PCDHA5: variants seen among roughly 807,000 people sequenced by gnomAD.
PCDHA5 encodes protocadherin alpha-5.
In PCDHA5, 43 loss-of-function variants were observed where a neutral mutation model predicts 61.6. That is an observed-to-expected ratio of 0.70 (90% CI 0.55 to 0.90). PCDHA5 has a LOEUF of 0.90. Ranked by LOEUF, PCDHA5 falls within the 40% of genes least tolerant of loss-of-function variation. The pLI is 0.00. For missense variants in PCDHA5, 1,298 were observed against 1,222.7 expected, an observed-to-expected ratio of 1.06 and a Z score of -0.92; for synonymous variants, 627 against 543.9, an observed-to-expected ratio of 1.15 and a Z score of -2.13.
intron 1 of PCDHA5, among the ~76,000 whole-genome samples, chr5:140,971,869 A>G (rs1277835883): frequency 1.3e-5 from 2 of 152,182 alleles, no homozygotes; most frequent in Non-Finnish European, 2.9e-5. Flanking sequence ...AACATCTAGC[A>G]TATGAGGAAA....
At chr5:140,927,616 G>C in intron 1 of PCDHA5, 1 of 1,614,164 alleles carries the variant, frequency 6.2e-7, no homozygotes, top group Non-Finnish European at 8.5e-7. Flanking sequence ...CCGCACCAAG[G>C]TTCCAGAGAC....
chr5:140,882,070 CA>C, intron 1 of PCDHA5: 1 of 854,288 alleles, frequency 1.2e-6, no homozygotes, highest in Non-Finnish European at 1.8e-6. Flanking sequence ...CGTTCATGCG[CA>C]TGGTGTCGCT....
chr5:140,911,404 A>G (rs2075457175), intron 1 of PCDHA5, among the ~76,000 whole-genome samples: 1 of 152,174 alleles, frequency 6.6e-6, no homozygotes, highest in African/African-American at 2.4e-5. Flanking sequence ...CAGGTCAGCC[A>G]CTGGTATGAT....
At chr5:140,966,505 A>T in intron 1 of PCDHA5, 1 of 427,984 alleles carries the variant, frequency 2.3e-6, no homozygotes, top group Non-Finnish European at 4.1e-6. Context: ...CTGTAGCGGC[A>T]GCAGCAGCAG....
rs545282445 is a variant in PCDHA5 at position 140,862,074 on chromosome 5, A to G, written c.2352+37947A>G. On this transcript the variant is annotated intron_variant, in intron 1 of 3. Transcript: ENST00000529859. The stretch of plus-strand genomic sequence containing the variant: ...TTTCTTTGCAACTGATGTCTCCCCT[A>G]ACATAGAAGCCCTTTTTCGCATAGA... 8.3e-5 allele frequency: 13 copies of G among 157,080 alleles called. No homozygotes were observed. The South Asian group carries it at 2.1e-3, about 26-fold the overall frequency. 9.7% of individuals were successfully genotyped at this position (157,080 alleles called of 1,614,324 possible).
intron 1 of PCDHA5, chr5:140,875,283 CAG>C: frequency 7.3e-7 from 1 of 1,362,464 alleles, no homozygotes; most frequent in Non-Finnish European, 9.6e-7. Flanking sequence ...GAAGGTGAAA[CAG>C]GAAAATTTTT....
At chr5:140,980,113 C>T (rs2096877031) in intron 2 of PCDHA5, among the ~76,000 whole-genome samples, 1 of 152,096 alleles carries the variant, frequency 6.6e-6, no homozygotes, top group African/African-American at 2.4e-5. Context: ...ACATTGGAAC[C>T]TGGGTCATAA....
intron 3 of PCDHA5, among the ~76,000 whole-genome samples, chr5:140,987,740 A>G (rs1454887233): frequency 6.6e-6 from 1 of 152,078 alleles, no homozygotes; most frequent in Admixed American, 6.5e-5. Flanking sequence ...CAAAATTTAG[A>G]CCCAGGTTGT....
intron 1 of PCDHA5, chr5:140,825,625 T>C (rs1768653929): frequency 6.6e-6 from 1 of 151,914 alleles, no homozygotes; most frequent in Admixed American, 6.6e-5. Context: ...TTTCACCATG[T>C]TGGTCATGGT....
chr5:140,927,848 G>T (rs1295513512), intron 1 of PCDHA5: 2 of 1,614,180 alleles, frequency 1.2e-6, no homozygotes, highest in Middle Eastern at 3.3e-4. Context: ...GGTGTCTTTG[G>T]TTTAGCTAGC....
intron 1 of PCDHA5, among the ~76,000 whole-genome samples, chr5:140,932,852 T>C (rs2088679496): frequency 1.3e-5 from 2 of 151,996 alleles, no homozygotes; most frequent in Non-Finnish European, 2.9e-5. Flanking sequence ...ATAATGTTAA[T>C]GACTTATTGT....
chr5:140,902,855 G>A lies in PCDHA5; in HGVS notation c.2353-76094G>A, dbSNP rs137957286. On this transcript the variant is annotated intron_variant, in intron 1 of 3. Coordinates refer to ENST00000529859, the MANE Select transcript of PCDHA5 (RefSeq NM_018908.3). ...GAGTTACTTCACTTAGAAAAATGGC[G>A]TCCAGGTCCACCCAAGCTGCTGCAA... is the stretch of plus-strand genomic sequence containing the variant. Among the ~76,000 whole-genome samples, 742 of 152,204 alleles carry A rather than the reference G, an allele frequency of 4.9e-3. 1 individual carries two copies. The highest frequency in any genetic ancestry group is 7.5e-3 in the Admixed American group (115 of 15,274).
rs1350835757 is a variant in PCDHA5, at chr5:141,010,856, A to G, written c.*919A>G. Reference sequence around the variant, plus strand: ...CATAGATTTATTTAAAAAAAGAGAAAGTCTATAGCTATAAATCTTTAAAGA... The same window carrying G: ...CATAGATTTATTTAAAAAAAGAGAAGGTCTATAGCTATAAATCTTTAAAGA... On this transcript the variant is annotated 3_prime_UTR_variant, in exon 4 of 4. Coordinates refer to ENST00000529859, the MANE Select transcript of PCDHA5 (RefSeq NM_018908.3). The G allele has an allele frequency of 1.3e-5, 2 of 153,800 alleles. No homozygotes were observed. Among genetic ancestry groups the G allele is most frequent in the African/African-American group, 2.4e-5 (1 of 41,464 alleles). The allele number at this position is 153,800 out of a possible 1,614,324, so 9.5% of individuals were successfully genotyped here. A position where few individuals can be genotyped will look rare whatever the true frequency, so the allele number is the denominator to read the frequency against.
In PCDHA5 at chr5:140,829,836, C is replaced by T. The variant is rs2150175782; in HGVS notation, c.2352+5709C>T. ...GGTGGTGCAGTGAGCGAGCTGGTGC[C>T]GCGGTCACTGGGTGCAGGCCAAGTG... On this transcript the variant is annotated intron_variant, in intron 1 of 3. Coordinates refer to ENST00000529859, the MANE Select transcript of PCDHA5 (RefSeq NM_018908.3). The T allele has an allele frequency of 1.7e-5, 27 of 1,613,772 alleles. No homozygotes were observed. Among genetic ancestry groups the T allele is most frequent in the Non-Finnish European group, 2.3e-5 (27 of 1,179,892 alleles).
intron 1 of PCDHA5, chr5:140,929,052 C>G (rs1379551578): frequency 6.2e-7 from 1 of 1,614,058 alleles, no homozygotes; most frequent in African/African-American, 1.3e-5. Context: ...GCTGCTGTCG[C>G]TCTACAGAGG....
At chr5:140,902,504 C>G (rs2069506794) in intron 1 of PCDHA5, among the ~76,000 whole-genome samples, 1 of 151,984 alleles carries the variant, frequency 6.6e-6, no homozygotes, top group African/African-American at 2.4e-5. Context: ...AGCTGTGAGT[C>G]TGTCATATAT....
rs2150503852 is a variant in PCDHA5 at position 140,850,955 on chromosome 5, C to T, written c.2352+26828C>T. The T allele has an allele frequency of 1.6e-5, 23 of 1,482,450 alleles. 2 individuals are homozygous for T. In the Admixed American group the frequency reaches 2.7e-4, roughly 17 times the overall value. 91.8% of individuals were successfully genotyped at this position (1,482,450 alleles called of 1,614,324 possible). A position where few individuals can be genotyped will look rare whatever the true frequency, so the allele number is the denominator to read the frequency against. On this transcript the variant is annotated intron_variant, in intron 1 of 3. Transcript: ENST00000529859. Reference sequence around the variant, plus strand: ...TTCTTGAAAGATATTATCGATTACTCCCAGGGGCCGTTCAAATAGTTTTAT... The same window carrying T: ...TTCTTGAAAGATATTATCGATTACTTCCAGGGGCCGTTCAAATAGTTTTAT...
chr5:140,828,113 A>G (rs1769535465), intron 1 of PCDHA5: 1 of 1,611,760 alleles, frequency 6.2e-7, no homozygotes, highest in Non-Finnish European at 8.5e-7. Flanking sequence ...CCCGGAGGAT[A>G]GATTGGGAAA....
intron 1 of PCDHA5, chr5:140,876,328 C>T: frequency 6.2e-7 from 1 of 1,613,940 alleles, no homozygotes; most frequent in Non-Finnish European, 8.5e-7. Context: ...AATGATTTTG[C>T]CAGTGAGTGA....
Sources: gnomAD v4.1 joint callset for allele counts (sites outside exome capture counted in the v4.1 genomes callset) on GRCh38, gnomAD v4.1.1 for gene constraint, MANE v1.5 for transcripts, NCBI Gene and HGNC (gene_info 2026-07-23, HGNC 2026-07-21) for gene names.